COP1: variants seen among roughly 807,000 people sequenced by gnomAD.
COP1 encodes the protein E3 ubiquitin-protein ligase COP1.
COP1 carries 24 observed loss-of-function variants against 101.3 expected under a neutral mutation model. That is an observed-to-expected ratio of 0.24 (90% confidence interval 0.17 to 0.33). The LOEUF is 0.33. Among genes scored for constraint, COP1 ranks in the 10% least tolerant of loss-of-function variants. The pLI is 1.00. For missense variants in COP1, 663 were observed against 906.2 expected (o/e 0.73, Z 3.45); for synonymous variants, 347 against 341.9 (o/e 1.01, Z -0.17).
At chr1:176,147,727 A>G (rs1027307557) in intron 6 of COP1, among the ~76,000 whole-genome samples, 18 of 152,222 alleles carry the variant, frequency 1.2e-4, no homozygotes, top group East Asian at 1.9e-4. Flanking sequence ...ATCAAAGTCA[A>G]TATCACAGAT....
intron 18 of COP1, among the ~76,000 whole-genome samples, chr1:175,966,729 A>G (rs941365970): frequency 2.6e-5 from 4 of 152,226 alleles, no homozygotes; most frequent in African/African-American, 7.2e-5. Flanking sequence ...TACATTTCAA[A>G]TGTCATAAAC....
chr1:176,022,977 C>T (rs954464281), intron 15 of COP1, among the ~76,000 whole-genome samples: 6 of 152,146 alleles, frequency 3.9e-5, no homozygotes, highest in Non-Finnish European at 7.3e-5. Flanking sequence ...GTTACAAGCA[C>T]CATTGTAGAG....
At chr1:175,948,744 TTTGGAATTAG>T (rs1649484087) in intron 18 of COP1, among the ~76,000 whole-genome samples, 1 of 152,212 alleles carries the variant, frequency 6.6e-6, no homozygotes, top group Non-Finnish European at 1.5e-5. Flanking sequence ...CAGAATACTC[TTTGGAATTAG>T]TCAGCAGCAT....
chr1:176,061,120 C>A (rs548110139), intron 11 of COP1, among the ~76,000 whole-genome samples: 1 of 152,024 alleles, frequency 6.6e-6, no homozygotes, highest in African/African-American at 2.4e-5. Flanking sequence ...ACATACAGAT[C>A]AATACAACAG....
chr1:176,021,483 C>T (rs1666748245), intron 15 of COP1, among the ~76,000 whole-genome samples: 1 of 152,108 alleles, frequency 6.6e-6, no homozygotes, highest in African/African-American at 2.4e-5. Flanking sequence ...TTTTTGTACA[C>T]TTCTGCTTTA....
chr1:176,060,417 T>C (rs1337945796), intron 11 of COP1, among the ~76,000 whole-genome samples: 2 of 152,216 alleles, frequency 1.3e-5, no homozygotes, highest in Non-Finnish European at 2.9e-5. Flanking sequence ...AAAGAAAATA[T>C]ATTTTTGTCC....
At chr1:176,022,506 A>G (rs1666923504) in intron 15 of COP1, among the ~76,000 whole-genome samples, 3 of 152,230 alleles carry the variant, frequency 2.0e-5, no homozygotes, top group South Asian at 4.1e-4. Flanking sequence ...AAACTAAACA[A>G]TACAGCTAAA....
chr1:176,200,934 G>A (rs1700200147), intron 1 of COP1, among the ~76,000 whole-genome samples: 1 of 152,116 alleles, frequency 6.6e-6, no homozygotes, highest in African/African-American at 2.4e-5. Context: ...ACATTGCCCA[G>A]GATGGACTCA....
At chr1:176,053,307 G>C (rs899776503) in intron 11 of COP1, among the ~76,000 whole-genome samples, 1 of 151,920 alleles carries the variant, frequency 6.6e-6, no homozygotes, top group Non-Finnish European at 1.5e-5. Context: ...ACTATACATA[G>C]CTTCTTCGTC....
chr1:176,155,367 C>T (rs1693289824), intron 5 of COP1, among the ~76,000 whole-genome samples: 1 of 151,156 alleles, frequency 6.6e-6, no homozygotes, highest in Admixed American at 6.6e-5. Flanking sequence ...ATTTAAAAAT[C>T]GATGAAATTA....
rs769198965 is a variant in COP1 at position 176,162,871 on chromosome 1, C to T, written c.760G>A (p.Ala254Thr). The change falls in exon 5 of 20, where the codon GCA becomes ACA. Residue 254 changes from alanine to threonine, a missense_variant and splice_region_variant. This residue lies in a region of COP1 where 212 missense variants were observed against 240.7 expected (regional missense o/e 0.88). Coordinates refer to ENST00000367669, the MANE Select transcript of COP1 (RefSeq NM_022457.7). The part of the protein sequence containing the change: ...LLVQKKKQLE[A>T]ESHAAQLQIL... ...TTTTAAGTTTAGCTACCACTTACTGCTTCCAGTTGTTTCTTCTTCTGCACT... is the reference window on the plus strand; with the variant it reads ...TTTTAAGTTTAGCTACCACTTACTGTTTCCAGTTGTTTCTTCTTCTGCACT... 1.9e-6 allele frequency: 3 copies of T among 1,589,068 alleles called. No homozygotes were observed.
chr1:176,004,143 C>T (rs1343102304), intron 15 of COP1, among the ~76,000 whole-genome samples: 1 of 151,276 alleles, frequency 6.6e-6, no homozygotes, highest in Non-Finnish European at 1.5e-5. Context: ...CATGATTCGG[C>T]TCTCTGTTTG....
intron 18 of COP1, among the ~76,000 whole-genome samples, chr1:175,966,997 A>G (rs747145588): frequency 1.6e-4 from 25 of 152,192 alleles, no homozygotes; most frequent in Non-Finnish European, 1.0e-4. Context: ...ACACTTTCAA[A>G]ATCAGTTAAT....
chr1:176,082,187 G>GA (rs1244276719), intron 10 of COP1, among the ~76,000 whole-genome samples: 1 of 152,010 alleles, frequency 6.6e-6, no homozygotes, highest in African/African-American at 2.4e-5. Flanking sequence ...TCTGAAGAAT[G>GA]AAAAAAACAA....
intron 15 of COP1, among the ~76,000 whole-genome samples, chr1:175,990,814 A>G (rs1658235207): frequency 6.6e-6 from 1 of 151,868 alleles, no homozygotes; most frequent in Admixed American, 6.6e-5. Context: ...TACTACTTAC[A>G]TGGTATATCT....
intron 15 of COP1, among the ~76,000 whole-genome samples, chr1:176,002,225 T>C (rs1350688131): frequency 6.6e-6 from 1 of 152,166 alleles, no homozygotes; most frequent in East Asian, 1.9e-4. Flanking sequence ...GTTGGCATGC[T>C]TGATGGTGTC....
intron 18 of COP1, among the ~76,000 whole-genome samples, chr1:175,972,338 CG>C (rs1384359916): frequency 5.9e-5 from 9 of 152,028 alleles, no homozygotes; most frequent in African/African-American, 1.2e-4. Context: ...AAAACCAAGA[CG>C]TATTTTTCTG....
At chr1:176,046,548 C>G (rs1671551139) in intron 11 of COP1, among the ~76,000 whole-genome samples, 2 of 151,994 alleles carry the variant, frequency 1.3e-5, no homozygotes, top group Non-Finnish European at 2.9e-5. Context: ...CAATTGTGCA[C>G]AGGTGTACTT....
At chr1:176,194,196 C>T (rs957912233) in intron 1 of COP1, among the ~76,000 whole-genome samples, 1 of 151,304 alleles carries the variant, frequency 6.6e-6, no homozygotes, top group Non-Finnish European at 1.5e-5. Flanking sequence ...TAAAAATATC[C>T]AATTAATCCC....
Sources: allele counts gnomAD v4.1 joint callset (sites outside exome capture counted in the v4.1 genomes callset), GRCh38; gene constraint gnomAD v4.1.1; regional missense constraint gnomAD v4.1.1; transcripts MANE v1.5; gene names NCBI Gene and HGNC (gene_info 2026-07-23, HGNC 2026-07-21).